The following MCTP1 variants were observed in gnomAD, a reference collection of about 807,000 sequenced individuals.
MCTP1 encodes the protein multiple C2 and transmembrane domain-containing protein 1.
MCTP1 carries 69 observed loss-of-function variants against 120.6 expected under a neutral mutation model. The ratio of observed to expected loss-of-function variants is 0.57; its 90% CI spans 0.47 to 0.70. The LOEUF (loss-of-function observed/expected upper bound fraction) is 0.70. MCTP1 is among the 30% of genes least tolerant of loss of function. The pLI is 0.00. For synonymous variants in MCTP1, 529 were observed against 493.1 expected (o/e 1.07, Z -0.96); for missense variants, 1,203 against 1,248.8 (o/e 0.96, Z 0.55).
intron 1 of MCTP1, among the ~76,000 whole-genome samples, chr5:95,188,101 C>T (rs1379594481): frequency 6.6e-6 from 1 of 152,022 alleles, no homozygotes; most frequent in African/African-American, 2.4e-5. Flanking sequence ...GGACAAAAGA[C>T]ATGGAAAAGA....
At chr5:94,868,485 G>A in intron 16 of MCTP1, 33 bp from the exon 17 acceptor site, 1 of 1,534,782 alleles carries the variant, frequency 6.5e-7, no homozygotes, top group Admixed American at 1.9e-5. Context: ...ATTATAATTT[G>A]CAAGACTAAA....
In MCTP1 at chr5:94,706,402, A is replaced by G. The variant is rs995708773; in HGVS notation, c.*1094T>C. 4 of 146,896 alleles carry G rather than the reference A, an allele frequency of 2.7e-5. No individual in the cohort carries two copies. Among genetic ancestry groups the G allele is most frequent in the African/African-American group, 9.9e-5 (4 of 40,318 alleles). 9.1% of individuals were successfully genotyped at this position (146,896 alleles called of 1,614,324 possible). ...GGCAACCACCACCCCCAAGCAGTTTATTTTATTTTACAAAACAGGTTTTCA... is the reference window on the plus strand; with the variant it reads ...GGCAACCACCACCCCCAAGCAGTTTGTTTTATTTTACAAAACAGGTTTTCA... On this transcript the variant is annotated 3_prime_UTR_variant, in exon 23 of 23. Transcript: ENST00000515393.
intron 1 of MCTP1, among the ~76,000 whole-genome samples, chr5:95,078,544 A>T (rs949371720): frequency 6.6e-6 from 1 of 152,222 alleles, no homozygotes; most frequent in Non-Finnish European, 1.5e-5. Flanking sequence ...TTTCTGGTTC[A>T]TAAAGGCCTG....
At chr5:94,750,743 G>C (rs1397423558) in intron 19 of MCTP1, among the ~76,000 whole-genome samples, 1 of 152,200 alleles carries the variant, frequency 6.6e-6, no homozygotes, top group Non-Finnish European at 1.5e-5. Flanking sequence ...CCCAAGACTT[G>C]CAGTTATTAC....
chr5:94,873,998 T>C (rs975005657), intron 12 of MCTP1, among the ~76,000 whole-genome samples: 5 of 152,056 alleles, frequency 3.3e-5, no homozygotes, highest in Admixed American at 3.3e-4. Flanking sequence ...AAGTCCTTAA[T>C]ATTTTTGTAA....
intron 1 of MCTP1, among the ~76,000 whole-genome samples, chr5:95,250,417 A>G (rs2152697210): frequency 6.6e-6 from 1 of 152,322 alleles, no homozygotes; most frequent in South Asian, 2.1e-4. Flanking sequence ...GTGTCAGTAT[A>G]CATGAAACTG....
intron 1 of MCTP1, among the ~76,000 whole-genome samples, chr5:95,123,066 C>A (rs1042022506): frequency 7.9e-5 from 12 of 152,132 alleles, no homozygotes; most frequent in Non-Finnish European, 1.8e-4. Flanking sequence ...GACAGTGCAA[C>A]AGGGTGACTA....
intron 17 of MCTP1, among the ~76,000 whole-genome samples, chr5:94,835,508 T>C (rs1401098300): frequency 6.6e-6 from 1 of 152,174 alleles, no homozygotes; most frequent in Non-Finnish European, 1.5e-5. Context: ...CTGGGCTTTG[T>C]TGTCCTCATC....
intron 19 of MCTP1, among the ~76,000 whole-genome samples, chr5:94,729,986 T>C (rs1762835517): frequency 6.6e-6 from 1 of 152,216 alleles, no homozygotes; most frequent in South Asian, 2.1e-4. Context: ...GAAAACAAGA[T>C]AGTTAGGAGG....
intron 17 of MCTP1, among the ~76,000 whole-genome samples, chr5:94,848,776 T>G (rs549377332): frequency 6.6e-6 from 1 of 152,086 alleles, no homozygotes; most frequent in Non-Finnish European, 1.5e-5. Flanking sequence ...TAAAACACTT[T>G]ATTTTACAAT....
intron 17 of MCTP1, among the ~76,000 whole-genome samples, chr5:94,799,712 T>C (rs1780801213): frequency 6.6e-6 from 1 of 152,176 alleles, no homozygotes; most frequent in Non-Finnish European, 1.5e-5. Context: ...CAAAGAGCTA[T>C]TACAAGCAAA....
intron 1 of MCTP1, chr5:95,068,652 T>C: frequency 2.6e-6 from 1 of 381,308 alleles, no homozygotes; most frequent in Admixed American, 5.2e-5. Context: ...TTTCCTTTGC[T>C]GTTCCCAGTA....
At chr5:95,093,377 C>G (rs1755994830) in intron 1 of MCTP1, among the ~76,000 whole-genome samples, 1 of 152,146 alleles carries the variant, frequency 6.6e-6, no homozygotes, top group African/African-American at 2.4e-5. Flanking sequence ...TCCTGTTTTC[C>G]TCCTTTTAAG....
Position 94,870,318 on chromosome 5 carries a change from T to C in MCTP1, c.2316+99A>G, listed in dbSNP as rs1797596204. 7 of 709,142 alleles carry C rather than the reference T, an allele frequency of 9.9e-6. No homozygotes were observed. In the South Asian group the frequency reaches 1.5e-4, roughly 15 times the overall value. 43.9% of individuals were successfully genotyped at this position (709,142 alleles called of 1,614,324 possible). On this transcript the variant is annotated intron_variant, in intron 16 of 22. Coordinates refer to ENST00000515393, the MANE Select transcript of MCTP1 (RefSeq NM_024717.7). The stretch of plus-strand genomic sequence containing the variant: ...AGTAGATGATCAAAAATTCCAGTCT[T>C]CCCCCCTCCATACCTTTAAAGTTTA...
intron 2 of MCTP1, among the ~76,000 whole-genome samples, chr5:95,001,938 CA>C (rs1263904008): frequency 6.6e-6 from 1 of 152,098 alleles, no homozygotes; most frequent in East Asian, 1.9e-4. Flanking sequence ...GCCTAGGAGG[CA>C]AAAATTATTT....
chr5:95,085,837 A>C (rs1163851590), intron 1 of MCTP1, among the ~76,000 whole-genome samples: 1 of 152,042 alleles, frequency 6.6e-6, no homozygotes, highest in Non-Finnish European at 1.5e-5. Context: ...TCAATGTTTT[A>C]ATTTGGATTT....
intron 1 of MCTP1, among the ~76,000 whole-genome samples, chr5:95,019,400 T>C (rs2153671181): frequency 6.6e-6 from 1 of 152,154 alleles, no homozygotes; most frequent in East Asian, 1.9e-4. Context: ...GTCTGTACTC[T>C]TTGGCCAACA....
chr5:95,057,189 T>G (rs1277260663), intron 1 of MCTP1, among the ~76,000 whole-genome samples: 1 of 152,126 alleles, frequency 6.6e-6, no homozygotes, highest in Non-Finnish European at 1.5e-5. Context: ...ACTTTATGTT[T>G]TCTGTACTTT....
chr5:95,267,843 C>G (rs781660837), intron 1 of MCTP1, among the ~76,000 whole-genome samples: 5 of 152,252 alleles, frequency 3.3e-5, no homozygotes, highest in African/African-American at 4.8e-5. Flanking sequence ...TCCCCCAACA[C>G]ACACACACCT....
Sources: allele counts gnomAD v4.1 joint callset (sites outside exome capture counted in the v4.1 genomes callset), GRCh38; gene constraint gnomAD v4.1.1; transcripts MANE v1.5; gene names NCBI Gene and HGNC (gene_info 2026-07-23, HGNC 2026-07-21).